Variants in FARS2 observed in about 807,000 individuals in gnomAD.
FARS2 encodes phenylalanyl-tRNA synthetase 2, mitochondrial.
In FARS2, 40 loss-of-function variants were observed where a neutral mutation model predicts 46.4. The observed-to-expected ratio is 0.86, with a 90% confidence interval of 0.67 to 1.12. The LOEUF (loss-of-function observed/expected upper bound fraction) is 1.12, where lower values mean the gene tolerates loss of function less well. FARS2 is among the 50% of genes most tolerant of loss of function. The probability of loss-of-function intolerance (pLI) is 0.00; values close to 1 mark genes in which losing one functional copy is unlikely to be tolerated. For synonymous variants in FARS2, 234 were observed against 214.9 expected (o/e 1.09, Z -0.78); for missense variants, 513 against 567.9 (o/e 0.90, Z 0.98).
intron 6 of FARS2, chr6:5,665,302 A>C (rs1170792411): frequency 6.6e-6 from 1 of 152,466 alleles, no homozygotes; most frequent in Non-Finnish European, 1.5e-5. Context: ...GGCTCTCTCC[A>C]GGGGTGGCTG....
chr6:5,707,219 C>A (rs531794870), intron 6 of FARS2, among the ~76,000 whole-genome samples: 2 of 152,118 alleles, frequency 1.3e-5, no homozygotes, highest in African/African-American at 4.8e-5. Flanking sequence ...TACCCCAAGC[C>A]GAGCTGGCAA....
At chr6:5,577,007 C>A (rs1327357999) in intron 5 of FARS2, among the ~76,000 whole-genome samples, 1 of 151,766 alleles carries the variant, frequency 6.6e-6, no homozygotes, top group African/African-American at 2.4e-5. Context: ...GGGTATACAC[C>A]TATATAAAAA....
intron 6 of FARS2, among the ~76,000 whole-genome samples, chr6:5,751,578 C>G (rs1761949242): frequency 6.6e-6 from 1 of 152,170 alleles, no homozygotes; most frequent in African/African-American, 2.4e-5. Context: ...ATGCCCAACT[C>G]CAAAGGAGGC....
chr6:5,442,520 G>A (rs1763900564), intron 4 of FARS2, among the ~76,000 whole-genome samples: 1 of 151,948 alleles, frequency 6.6e-6, no homozygotes, highest in African/African-American at 2.4e-5. Context: ...GGTGTAAGTT[G>A]GCAAGTTTCA....
intron 4 of FARS2, among the ~76,000 whole-genome samples, chr6:5,491,651 A>G (rs1215029535): frequency 6.6e-6 from 1 of 152,174 alleles, no homozygotes; most frequent in African/African-American, 2.4e-5. Context: ...TCTTCTGCAT[A>G]TGCCATAGCA....
At chr6:5,609,606 C>T in intron 5 of FARS2, 1 of 1,247,640 alleles carries the variant, frequency 8.0e-7, no homozygotes, top group Non-Finnish European at 1.2e-6. Context: ...ACCACTTCAC[C>T]TCTTTGGCTG....
At chr6:5,404,818 G>A (rs958036784) in intron 3 of FARS2, 117 bp downstream of exon 3, 15 of 713,678 alleles carry the variant, frequency 2.1e-5, no homozygotes, top group Admixed American at 7.8e-5. Flanking sequence ...TTTTTTCCCC[G>A]AGACGGAGTC....
chr6:5,699,024 G>A (rs2080859995), intron 6 of FARS2, among the ~76,000 whole-genome samples: 1 of 152,178 alleles, frequency 6.6e-6, no homozygotes, highest in Admixed American at 6.5e-5. Flanking sequence ...ACTGTGCTGT[G>A]CAGGTAACTC....
In FARS2 at chr6:5,345,200, T is replaced by TAA. The variant is rs11437782; in HGVS notation, c.-21-23341_-21-23340dup. Among the ~76,000 whole-genome samples, 36 of 148,818 alleles carry TAA rather than the reference T, an allele frequency of 2.4e-4. No homozygotes were observed. The South Asian group carries it at 2.6e-3, about 11-fold the overall frequency. ...GGCGACTAAAGAAATAATAGTATAA[T>TAA]AAAAAAAAAACGCCATTATAATTAT... is the stretch of plus-strand genomic sequence containing the variant. On this transcript the variant is annotated intron_variant, in intron 1 of 6. Transcript: ENST00000274680.
In FARS2 at chr6:5,480,844, T is replaced by C. The variant is rs1046713277; in HGVS notation, c.904+49672T>C. Reference sequence around the variant, plus strand: ...GTTTAACTGCATGGTGAATTTATAGTGTCATAATGGATGTCTCTTTAAAGC... The same window carrying C: ...GTTTAACTGCATGGTGAATTTATAGCGTCATAATGGATGTCTCTTTAAAGC... On this transcript the variant is annotated intron_variant, in intron 4 of 6. Coordinates refer to ENST00000274680, the MANE Select transcript of FARS2 (RefSeq NM_006567.5). 8.5e-5 allele frequency among the ~76,000 whole-genome samples: 13 copies of C among 152,242 alleles called. No homozygotes were observed. The East Asian group carries it at 2.5e-3, about 29-fold the overall frequency.
At chr6:5,530,457 C>T (rs997015343) in intron 4 of FARS2, among the ~76,000 whole-genome samples, 4 of 151,956 alleles carry the variant, frequency 2.6e-5, no homozygotes, top group African/African-American at 9.7e-5. Context: ...GCAAAAATGT[C>T]AAAATTTGAA....
Position 5,368,770 on chromosome 6 carries a change from C to T in FARS2, c.200C>T (p.Thr67Ile). ...SYPQDDHSNL[T>I]RKVLTRVGRN... ...CCTCAGGACGACCACAGCAACCTCA[C>T]CCGGAAGGTCCTCACCAGAGTTGGC... Residue 67 changes from threonine to isoleucine, a missense_variant, in exon 2 of 7, where the codon ACC becomes ATC. Thr to Ile is a moderately conservative substitution (Grantham distance 89). Coordinates refer to ENST00000274680, the MANE Select transcript of FARS2 (RefSeq NM_006567.5). 1 of 1,614,188 alleles carries T rather than the reference C, an allele frequency of 6.2e-7. No homozygotes were observed. Among genetic ancestry groups the T allele is most frequent in the Non-Finnish European group, 8.5e-7 (1 of 1,180,040 alleles).
intron 5 of FARS2, among the ~76,000 whole-genome samples, chr6:5,608,355 G>C (rs192170912): frequency 6.6e-6 from 1 of 152,280 alleles, no homozygotes; most frequent in Middle Eastern, 3.4e-3. Flanking sequence ...GGTTAGACCT[G>C]TGATGAGACA....
chr6:5,575,616 G>A (rs141998303), intron 5 of FARS2, among the ~76,000 whole-genome samples: 7 of 152,298 alleles, frequency 4.6e-5, no homozygotes, highest in South Asian at 2.1e-4. Context: ...TCTCCCCATA[G>A]TGTCCTTAAT....
intron 4 of FARS2, among the ~76,000 whole-genome samples, chr6:5,534,836 C>A (rs1044495573): frequency 6.6e-6 from 1 of 150,596 alleles, no homozygotes; most frequent in African/African-American, 2.4e-5. Flanking sequence ...CGCACACACA[C>A]GCACGCATAC....
At chr6:5,569,260 A>G (rs1311750462) in intron 5 of FARS2, among the ~76,000 whole-genome samples, 1 of 148,832 alleles carries the variant, frequency 6.7e-6, no homozygotes, top group East Asian at 2.0e-4. Flanking sequence ...TTTTTGAGAC[A>G]GGTTCTCACT....
chr6:5,341,215 ATATATATATATATATATATATT>A (rs1438868015), intron 1 of FARS2, among the ~76,000 whole-genome samples: 186 of 8,400 alleles, frequency 0.022, 14 homozygotes, highest in East Asian at 0.034. Context: ...ATATATATAT[ATATATATATATATATATATATT>A]TTTTTTTTTT....
chr6:5,359,190 C>T (rs1416046392), intron 1 of FARS2, among the ~76,000 whole-genome samples: 3 of 151,898 alleles, frequency 2.0e-5, no homozygotes, highest in Non-Finnish European at 4.4e-5. Context: ...CAGGTGTGTG[C>T]AACTGTGCCT....
intron 4 of FARS2, among the ~76,000 whole-genome samples, chr6:5,468,793 A>T (rs1765653311): frequency 6.6e-6 from 1 of 152,232 alleles, no homozygotes; most frequent in Non-Finnish European, 1.5e-5. Context: ...CAGGAAAATG[A>T]CAGTGAGATA....
Sources: allele counts gnomAD v4.1 joint callset (sites outside exome capture counted in the v4.1 genomes callset), GRCh38; gene constraint gnomAD v4.1.1; transcripts MANE v1.5; gene names NCBI Gene and HGNC (gene_info 2026-07-23, HGNC 2026-07-21).